Variants in LNX2 observed in about 807,000 individuals in gnomAD.
LNX2 encodes ligand of Numb protein X 2.
Under a neutral mutation model 66.2 loss-of-function variants are expected in LNX2, and 35 were observed. The ratio of observed to expected loss-of-function variants is 0.53; its 90% CI spans 0.40 to 0.70. The LOEUF is 0.70. Ranked by LOEUF, LNX2 falls within the 30% of genes least tolerant of loss-of-function variation. The pLI is 0.00. For missense variants in LNX2, 791 were observed against 850.8 expected, an observed-to-expected ratio of 0.93 and a Z score of 0.87; for synonymous variants, 337 against 315.6, an observed-to-expected ratio of 1.07 and a Z score of -0.72.
At chr13:27,576,478 A>G (rs1955341215) in intron 2 of LNX2, among the ~76,000 whole-genome samples, 1 of 151,898 alleles carries the variant, frequency 6.6e-6, no homozygotes, top group Admixed American at 6.6e-5. Context: ...GCTCTTCGGG[A>G]GACCTAGGTG....
Position 27,581,666 on chromosome 13 carries a change from TG to T in LNX2, c.37del (p.Gln13ArgfsTer7), listed in dbSNP as rs1227684558. ...GGGGTTTAGAGAAGAGGAGGAGGTCTGTTCCACAGACACCATCTCATCACTT... is the reference window on the plus strand; with the variant it reads ...GGGGTTTAGAGAAGAGGAGGAGGTCTTTCCACAGACACCATCTCATCACTT... ...TTSDEMVSVE[Q>X]TSSSSLNPLC... is the part of the protein sequence containing the mutation. On this transcript the variant is annotated frameshift_variant, in exon 2 of 10. Transcript: ENST00000316334. LOFTEE classifies it high-confidence loss of function. 2 of 1,612,434 alleles carry T rather than the reference TG, an allele frequency of 1.2e-6. No homozygotes were observed. The highest frequency in any genetic ancestry group is 1.3e-5 in the African/African-American group (1 of 75,014).
rs2138333610 is a variant in LNX2, at chr13:27,559,658, T to C, written c.1368+184A>G. Among the ~76,000 whole-genome samples, 3 of 152,202 alleles carry C rather than the reference T, an allele frequency of 2.0e-5. 1 individual carries two copies. The highest frequency in any genetic ancestry group is 4.1e-4 in the South Asian group (2 of 4,830). ...AGTCACTTTCCAAGGTAGCAAAACA[T>C]ATACATTTCATATTCCAAACACCTA... On this transcript the variant is annotated intron_variant, in intron 6 of 9. Transcript: ENST00000316334.
At chr13:27,600,039 C>G (rs1021835715) in intron 1 of LNX2, among the ~76,000 whole-genome samples, 2 of 152,160 alleles carry the variant, frequency 1.3e-5, no homozygotes, top group African/African-American at 4.8e-5. Context: ...ACATAACTAA[C>G]AGGCACATCA....
rs2138300545 is a variant in LNX2 at position 27,547,572 on chromosome 13, A to T, written c.*763T>A. ...AATGTTGGCACCAATAAAAAATGGG[A>T]ACGGCCGGGTGCGGCAGCTCACACC... On this transcript the variant is annotated 3_prime_UTR_variant, in exon 10 of 10. Coordinates refer to ENST00000316334, the MANE Select transcript of LNX2 (RefSeq NM_153371.4). 6.6e-6 allele frequency: 1 copy of T among 152,232 alleles called. No homozygotes were observed. The highest frequency in any genetic ancestry group is 2.1e-4 in the South Asian group (1 of 4,806). 9.4% of individuals were successfully genotyped at this position (152,232 alleles called of 1,614,324 possible). A position where few individuals can be genotyped will look rare whatever the true frequency, so the allele number is the denominator to read the frequency against.
In LNX2 at chr13:27,619,824, C is replaced by A. The variant is rs374406471; in HGVS notation, c.-101+551G>T. On this transcript the variant is annotated intron_variant, in intron 1 of 9. Coordinates refer to ENST00000316334, the MANE Select transcript of LNX2 (RefSeq NM_153371.4). ...AATCAAGATTCATATTTTTAAATTACCCCCTGGAAGATGTCAAATCTCTCT... is the reference window on the plus strand; with the variant it reads ...AATCAAGATTCATATTTTTAAATTAACCCCTGGAAGATGTCAAATCTCTCT... Among the ~76,000 whole-genome samples the A allele has an allele frequency of 3.9e-5, 6 of 152,246 alleles. No homozygotes were observed. The East Asian group carries it at 5.8e-4, about 15-fold the overall frequency.
intron 4 of LNX2, 140 bp from the exon 5 acceptor site, chr13:27,562,921 A>T: frequency 1.2e-6 from 1 of 840,110 alleles, no homozygotes; most frequent in East Asian, 2.6e-5. Flanking sequence ...ATCATTATTT[A>T]CAAAGAAAAC....
At chr13:27,586,191 T>A (rs1055286405) in intron 1 of LNX2, among the ~76,000 whole-genome samples, 2 of 152,050 alleles carry the variant, frequency 1.3e-5, no homozygotes, top group African/African-American at 4.8e-5. Context: ...TGCTATCTAT[T>A]ATTAAAAATA....
intron 1 of LNX2, among the ~76,000 whole-genome samples, chr13:27,583,119 C>T (rs1955421202): frequency 6.6e-6 from 1 of 150,452 alleles, no homozygotes; most frequent in South Asian, 2.1e-4. Flanking sequence ...ATTTCAATTT[C>T]ACCTCATAGT....
chr13:27,595,913 G>C (rs1324706188), intron 1 of LNX2, among the ~76,000 whole-genome samples: 1 of 152,142 alleles, frequency 6.6e-6, no homozygotes, highest in Non-Finnish European at 1.5e-5. Flanking sequence ...ATCTGCTGTA[G>C]GCTGAGTATT....
chr13:27,591,944 A>C (rs999247333), intron 1 of LNX2, among the ~76,000 whole-genome samples: 3 of 152,236 alleles, frequency 2.0e-5, no homozygotes, highest in African/African-American at 4.8e-5. Flanking sequence ...CTGGTGTAAA[A>C]ATGTCTGTTA....
In LNX2 at chr13:27,581,644, G is replaced by T; in HGVS notation, c.60C>A (p.Asn20Lys). ...SVEQTSSSSL[N>K]PLCFECGQQH... Reference sequence around the variant, plus strand: ...GTTGGCCACATTCAAAACACAGGGGGTTTAGAGAAGAGGAGGAGGTCTGTT... The same window carrying T: ...GTTGGCCACATTCAAAACACAGGGGTTTTAGAGAAGAGGAGGAGGTCTGTT... The change falls in exon 2 of 10, where the codon AAC becomes AAA. Residue 20 changes from asparagine (N) to lysine (K), a missense_variant. Coordinates refer to ENST00000316334, the MANE Select transcript of LNX2 (RefSeq NM_153371.4). The T allele has an allele frequency of 6.2e-7, 1 of 1,613,954 alleles. No homozygotes were observed. Among genetic ancestry groups the T allele is most frequent in the South Asian group, 1.1e-5 (1 of 91,058 alleles).
chr13:27,598,663 A>T (rs1171369958), intron 1 of LNX2, among the ~76,000 whole-genome samples: 1 of 152,144 alleles, frequency 6.6e-6, no homozygotes, highest in Admixed American at 6.5e-5. Flanking sequence ...CAAGACCTAA[A>T]GCTAGTGAGG....
intron 2 of LNX2, 89 bp downstream of exon 2, chr13:27,581,208 G>C (rs371351027): frequency 8.5e-6 from 9 of 1,055,828 alleles, no homozygotes; most frequent in Non-Finnish European, 1.2e-5. Flanking sequence ...CTAGTGCTCT[G>C]GTTTGTTTTG....
At chr13:27,576,734 A>G (rs930563317) in intron 2 of LNX2, among the ~76,000 whole-genome samples, 9 of 152,126 alleles carry the variant, frequency 5.9e-5, no homozygotes, top group Non-Finnish European at 1.2e-4. Flanking sequence ...CCAGAAAAAA[A>G]AAAAGAAAAG....
In LNX2 at chr13:27,556,265, C is replaced by T; in HGVS notation, c.1517G>A (p.Cys506Tyr). Residue 506 changes from cysteine to tyrosine, a missense_variant, in exon 7 of 10, where the codon TGC becomes TAC. By Grantham distance (194) the Cys-to-Tyr change is radical. Transcript: ENST00000316334. ...CTTTATTCTGCCATCTCGTGCAAGG[C>T]AGCCATGGGGTGGCACACTGGTCAC... ...IFVTSVPPHGCLARDGRIKRG... is the reference protein window; with the variant it reads ...IFVTSVPPHGYLARDGRIKRG... 4 of 1,613,928 alleles carry T rather than the reference C, an allele frequency of 2.5e-6. No homozygotes were observed. Among genetic ancestry groups the T allele is most frequent in the Non-Finnish European group, 3.4e-6 (4 of 1,179,938 alleles).
At chr13:27,570,986 G>A (rs943248482) in intron 2 of LNX2, among the ~76,000 whole-genome samples, 1 of 152,110 alleles carries the variant, frequency 6.6e-6, no homozygotes, top group African/African-American at 2.4e-5. Context: ...TTGTTAGAGA[G>A]GTAAAGTAAC....
intron 8 of LNX2, among the ~76,000 whole-genome samples, chr13:27,550,736 C>G (rs966826608): frequency 6.6e-6 from 1 of 152,152 alleles, no homozygotes. Context: ...CACACACACA[C>G]ACAAGTAGAG....
intron 2 of LNX2, among the ~76,000 whole-genome samples, chr13:27,571,239 C>T (rs1283367852): frequency 6.6e-6 from 1 of 152,014 alleles, no homozygotes; most frequent in African/African-American, 2.4e-5. Flanking sequence ...ACTAGGGAGA[C>T]AAGCAGTCAA....
In LNX2 at chr13:27,560,107, G is replaced by C. The variant is rs1327072371; in HGVS notation, c.1225-122C>G. 2.5e-5 allele frequency: 18 copies of C among 734,428 alleles called. No individual in the cohort carries two copies. The East Asian group carries it at 5.3e-4, about 21-fold the overall frequency. The allele number at this position is 734,428 out of a possible 1,614,324, so 45.5% of individuals were successfully genotyped here. A position where few individuals can be genotyped will look rare whatever the true frequency, so the allele number is the denominator to read the frequency against. ...TGTACCAGGGCGTCATCTGGACAGTGACTGCAAGCACCTGGTGGCAAGAGG... is the reference window on the plus strand; with the variant it reads ...TGTACCAGGGCGTCATCTGGACAGTCACTGCAAGCACCTGGTGGCAAGAGG... On this transcript the variant is annotated intron_variant, in intron 5 of 9. Coordinates refer to ENST00000316334, the MANE Select transcript of LNX2 (RefSeq NM_153371.4).
Sources: allele counts gnomAD v4.1 joint callset (sites outside exome capture counted in the v4.1 genomes callset), GRCh38; gene constraint gnomAD v4.1.1; transcripts MANE v1.5; gene names NCBI Gene and HGNC (gene_info 2026-07-23, HGNC 2026-07-21).